The following BTAF1 variants were observed in gnomAD, a reference collection of about 807,000 sequenced individuals.
The protein encoded by BTAF1 is B-TFIID TATA-box binding protein associated factor 1.
Under a neutral mutation model 227.1 loss-of-function variants are expected in BTAF1, and 38 were observed. The observed-to-expected ratio is 0.17, with a 90% confidence interval of 0.13 to 0.22. The LOEUF (loss-of-function observed/expected upper bound fraction) is 0.22, where lower values mean the gene tolerates loss of function less well. Ranked by LOEUF, BTAF1 falls within the 10% of genes least tolerant of loss-of-function variation. The pLI is 1.00. For synonymous variants in BTAF1, 742 were observed against 751.9 expected (o/e 0.99, Z 0.21); for missense variants, 1,598 against 2,204.0 (o/e 0.73, Z 5.51).
chr10:91,945,235 C>CT (rs937872363), intron 4 of BTAF1, among the ~76,000 whole-genome samples: 3 of 151,700 alleles, frequency 2.0e-5, no homozygotes, highest in African/African-American at 7.3e-5. Context: ...TATATCAGTA[C>CT]TTTTTTTTCT....
chr10:91,988,388 T>A (rs1359751290), intron 19 of BTAF1, among the ~76,000 whole-genome samples: 1 of 152,210 alleles, frequency 6.6e-6, no homozygotes, highest in Admixed American at 6.5e-5. Context: ...CTTTTAGCAT[T>A]GTAACCCTGT....
chr10:91,942,337 A>C, intron 3 of BTAF1, 85 bp from the exon 4 acceptor site: 1 of 934,636 alleles, frequency 1.1e-6, no homozygotes, highest in Admixed American at 2.4e-5. Flanking sequence ...TGTGTAACCC[A>C]TGCAACCCAA....
rs1432674884 is a variant in BTAF1, at chr10:91,957,261, C to T, written c.868C>T (p.Leu290Phe). 1 of 1,612,848 alleles carries T rather than the reference C, an allele frequency of 6.2e-7. No homozygotes were observed. The highest frequency in any genetic ancestry group is 8.5e-7 in the Non-Finnish European group (1 of 1,179,238). Residue 290 changes from leucine (L) to phenylalanine (F), a missense_variant, in exon 8 of 38, where the codon CTT (leucine) becomes TTT (phenylalanine). Around this residue, in one of 10 missense-constraint regions of BTAF1, gnomAD observed 298 missense variants for 395.2 expected, o/e 0.75. Coordinates refer to ENST00000265990, the MANE Select transcript of BTAF1 (RefSeq NM_003972.3). ...GCCTTTGGAAAGCTTTTGTGAAGAA[C>T]TTTGCAATGACCTTTTTAATCCCTC... ...EWPLESFCEE[L>F]CNDLFNPSWE...
rs1846357681 is a variant in BTAF1, at chr10:91,959,729, T to TGA, written c.991-55_991-54insAG. On this transcript the variant is annotated intron_variant, in intron 9 of 37. Transcript: ENST00000265990. Reference sequence around the variant, plus strand: ...ATTATGTTAAAAAAATGTGTGTGTGTGTGTGTGTGTGTATATATATATATA... The same window carrying TGA: ...ATTATGTTAAAAAAATGTGTGTGTGTGAGTGTGTGTGTGTATATATATATATA... The TGA allele has an allele frequency of 1.0e-5, 4 of 400,304 alleles. No individual in the cohort carries two copies. In the South Asian group the frequency reaches 3.3e-4, roughly 33 times the overall value. The allele number at this position is 400,304 out of a possible 1,614,324, so 24.8% of individuals were successfully genotyped here.
At position 91,953,841 on chromosome 10, in the gene BTAF1, A is replaced by T; in HGVS notation, c.669A>T (p.Arg223Ser). The change falls in exon 6 of 38, where the codon AGA becomes AGT. Residue 223 changes from arginine (R) to serine (S), a missense_variant. By Grantham distance (110) the Arg-to-Ser change is moderately radical. Around this residue, in one of 10 missense-constraint regions of BTAF1, gnomAD observed 298 missense variants for 395.2 expected, o/e 0.75. Coordinates refer to ENST00000265990, the MANE Select transcript of BTAF1 (RefSeq NM_003972.3). ...TGGCCAAGTTATTTGCAAAACAGAGATCCAGGGATGCAGTGGAAACTAATG... is the reference window on the plus strand; with the variant it reads ...TGGCCAAGTTATTTGCAAAACAGAGTTCCAGGGATGCAGTGGAAACTAATG... The part of the protein sequence containing the change: ...KRMAKLFAKQ[R>S]SRDAVETNEK... 1 of 1,614,038 alleles carries T rather than the reference A, an allele frequency of 6.2e-7. No individual in the cohort carries two copies. Among genetic ancestry groups the T allele is most frequent in the Non-Finnish European group, 8.5e-7 (1 of 1,179,928 alleles).
intron 36 of BTAF1, 83 bp from the exon 37 acceptor site, chr10:92,027,047 G>C: frequency 7.2e-7 from 1 of 1,391,950 alleles, no homozygotes. Context: ...GTATAAAATA[G>C]TACAAGTCTA....
intron 20 of BTAF1, among the ~76,000 whole-genome samples, chr10:91,991,829 A>ATG: frequency 1.4e-5 from 2 of 146,776 alleles, no homozygotes; most frequent in African/African-American, 5.1e-5. Flanking sequence ...ATATATATAT[A>ATG]TATACACACA....
At chr10:91,943,487 A>T (rs575218521) in intron 4 of BTAF1, among the ~76,000 whole-genome samples, 2 of 152,296 alleles carry the variant, frequency 1.3e-5, no homozygotes, top group African/African-American at 4.8e-5. Flanking sequence ...ATTTTTGAGT[A>T]AAAAACAAAA....
chr10:91,957,573 CT>C (rs1382138063), intron 8 of BTAF1, among the ~76,000 whole-genome samples: 1 of 152,164 alleles, frequency 6.6e-6, no homozygotes, highest in African/African-American at 2.4e-5. Flanking sequence ...AAAATACTTC[CT>C]TTCCTTTGGA....
intron 14 of BTAF1, among the ~76,000 whole-genome samples, chr10:91,972,984 T>G (rs2792019): frequency 6.6e-6 from 1 of 152,096 alleles, no homozygotes; most frequent in East Asian, 1.9e-4. Flanking sequence ...TTCAAAACAC[T>G]TCTGGCTCCA....
At chr10:91,981,050 T>A (rs371148470) in intron 15 of BTAF1, among the ~76,000 whole-genome samples, 30 of 152,288 alleles carry the variant, frequency 2.0e-4, no homozygotes, top group African/African-American at 7.2e-4. Context: ...TGTACCTTTA[T>A]AATCTGTTAA....
intron 19 of BTAF1, among the ~76,000 whole-genome samples, chr10:91,986,048 G>T (rs540172290): frequency 6.6e-6 from 1 of 151,624 alleles, no homozygotes; most frequent in East Asian, 1.9e-4. Context: ...CTTTCCAAGT[G>T]GCAAAGGTAT....
At chr10:91,927,201 C>T (rs1843910451) in intron 1 of BTAF1, among the ~76,000 whole-genome samples, 3 of 151,096 alleles carry the variant, frequency 2.0e-5, no homozygotes, top group African/African-American at 4.9e-5. Flanking sequence ...TGCAATGGTG[C>T]GTTCTTGACT....
chr10:91,997,499 G>A (rs1849222468), intron 24 of BTAF1, 104 bp from the exon 25 acceptor site: 6 of 989,644 alleles, frequency 6.1e-6, no homozygotes, highest in Non-Finnish European at 7.4e-6. Context: ...TAATACAGAT[G>A]AGAAAATGGT....
chr10:92,003,274 T>C (rs1051591588), intron 25 of BTAF1, among the ~76,000 whole-genome samples: 4 of 152,258 alleles, frequency 2.6e-5, no homozygotes, highest in African/African-American at 9.6e-5. Flanking sequence ...AATTAAGTTT[T>C]AATCTTTTAG....
chr10:91,953,317 G>A (rs1845888598), intron 5 of BTAF1, among the ~76,000 whole-genome samples: 1 of 152,136 alleles, frequency 6.6e-6, no homozygotes, highest in African/African-American at 2.4e-5. Flanking sequence ...ATAGCATGCT[G>A]GACCAATCAC....
At chr10:92,022,739 G>A (rs768707433) in intron 34 of BTAF1, among the ~76,000 whole-genome samples, 11 of 152,122 alleles carry the variant, frequency 7.2e-5, no homozygotes, top group Middle Eastern at 3.4e-3. Flanking sequence ...TTTATACTGC[G>A]TACCACATAG....
At chr10:91,960,312 C>T (rs143691652) in intron 11 of BTAF1, among the ~76,000 whole-genome samples, 158 bp downstream of exon 11, 97 of 152,214 alleles carry the variant, frequency 6.4e-4, no homozygotes, top group Non-Finnish European at 1.0e-3. Flanking sequence ...AGATAGGTGG[C>T]GCTCATAAGA....
chr10:92,024,029 A>G (rs1393943150), intron 34 of BTAF1, among the ~76,000 whole-genome samples: 3 of 152,232 alleles, frequency 2.0e-5, no homozygotes, highest in Non-Finnish European at 4.4e-5. Flanking sequence ...AATTGATCTA[A>G]ACATGATTCT....
Sources: allele counts gnomAD v4.1 joint callset (sites outside exome capture counted in the v4.1 genomes callset), GRCh38; gene constraint gnomAD v4.1.1; regional missense constraint gnomAD v4.1.1; transcripts MANE v1.5; gene names NCBI Gene and HGNC (gene_info 2026-07-23, HGNC 2026-07-21).